Variants in FOXN3 observed in about 807,000 individuals in gnomAD.
The protein encoded by FOXN3 is forkhead box N3.
Under a neutral mutation model 38.4 loss-of-function variants are expected in FOXN3, and 7 were observed. That is an observed-to-expected ratio of 0.18 (90% CI 0.10 to 0.34). FOXN3 has a LOEUF of 0.34. Ranked by LOEUF, FOXN3 falls within the 10% of genes least tolerant of loss-of-function variation. The pLI is 1.00. For missense variants in FOXN3, 456 were observed against 613.4 expected (o/e 0.74, Z 2.71); for synonymous variants, 230 against 242.2 (o/e 0.95, Z 0.47).
chr14:89,530,965 T>C lies in FOXN3; in HGVS notation c.-15+88063A>G, dbSNP rs191996941. 7.8e-3 allele frequency among the ~76,000 whole-genome samples: 1,149 copies of C among 147,480 alleles called. 22 individuals are homozygous for C. Among genetic ancestry groups the C allele is most frequent in the African/African-American group, 0.027 (1,107 of 40,562 alleles). On this transcript the variant is annotated intron_variant, in intron 1 of 6. Coordinates refer to the FOXN3 transcript ENST00000345097. The stretch of plus-strand genomic sequence containing the variant: ...TATATTATATATACATATATACACA[T>C]ATATAATATATACATATATATCTAC...
chr14:89,509,779 G>A (rs1894018989), intron 1 of FOXN3, among the ~76,000 whole-genome samples: 1 of 152,234 alleles, frequency 6.6e-6, no homozygotes, highest in African/African-American at 2.4e-5. Flanking sequence ...AATGAAAACT[G>A]TAAAGTGCCA....
At chr14:89,532,640 G>C (rs1281876646) in intron 1 of FOXN3, among the ~76,000 whole-genome samples, 2 of 152,098 alleles carry the variant, frequency 1.3e-5, no homozygotes, top group Admixed American at 1.3e-4. Context: ...TCTATCAGTT[G>C]GGCAAACAAT....
chr14:89,414,527 G>A (rs941843292), intron 1 of FOXN3, among the ~76,000 whole-genome samples: 1 of 151,200 alleles, frequency 6.6e-6, no homozygotes, highest in African/African-American at 2.4e-5. Flanking sequence ...GCCTAAGGGG[G>A]AGCTGTGGTG....
chr14:89,179,394 G>C (rs939189097), intron 5 of FOXN3, among the ~76,000 whole-genome samples: 2 of 152,172 alleles, frequency 1.3e-5, no homozygotes, highest in African/African-American at 4.8e-5. Flanking sequence ...CTCAGGCCCA[G>C]CTAAACACAC....
intron 1 of FOXN3, among the ~76,000 whole-genome samples, chr14:89,424,945 G>A (rs1196571163): frequency 6.6e-6 from 1 of 151,948 alleles, no homozygotes; most frequent in Non-Finnish European, 1.5e-5. Flanking sequence ...TGCTTCTCCT[G>A]CCCCAGGGAT....
chr14:89,552,686 C>G (rs1413426080), intron 1 of FOXN3, among the ~76,000 whole-genome samples: 1 of 152,148 alleles, frequency 6.6e-6, no homozygotes, highest in Non-Finnish European at 1.5e-5. Context: ...TGCCAAAACC[C>G]CGTCTCTACT....
intron 1 of FOXN3, among the ~76,000 whole-genome samples, chr14:89,474,179 T>C (rs1028577090): frequency 1.3e-5 from 2 of 152,252 alleles, no homozygotes; most frequent in African/African-American, 4.8e-5. Flanking sequence ...AGAACCAATC[T>C]AGCCATTTTA....
intron 1 of FOXN3, among the ~76,000 whole-genome samples, chr14:89,555,147 C>G (rs1290579375): frequency 2.0e-5 from 3 of 151,954 alleles, no homozygotes; most frequent in African/African-American, 4.8e-5. Context: ...GTACACTGTT[C>G]TGCACTCTGC....
intron 1 of FOXN3, among the ~76,000 whole-genome samples, chr14:89,444,427 A>G (rs1596276165): frequency 1.3e-5 from 2 of 152,100 alleles, no homozygotes; most frequent in South Asian, 2.1e-4. Flanking sequence ...CACATAAAAA[A>G]AAAAAGAAAC....
intron 3 of FOXN3, among the ~76,000 whole-genome samples, chr14:89,315,130 A>G (rs3825672): frequency 0.76 from 115,483 of 151,696 alleles, 44,103 homozygotes; most frequent in Middle Eastern, 0.83. Context: ...GGGGTGATAA[A>G]TGTGTCTTTG....
At chr14:89,526,604 G>A (rs1894437098) in intron 1 of FOXN3, among the ~76,000 whole-genome samples, 1 of 152,074 alleles carries the variant, frequency 6.6e-6, no homozygotes, top group Non-Finnish European at 1.5e-5. Flanking sequence ...AGAAATTAAG[G>A]ACCTAAATAA....
chr14:89,496,947 G>C (rs1893697038), intron 1 of FOXN3, among the ~76,000 whole-genome samples: 1 of 152,080 alleles, frequency 6.6e-6, no homozygotes, highest in Admixed American at 6.6e-5. Context: ...GTTGTAGCAT[G>C]TGTCAGAATC....
At chr14:89,242,313 C>CATATATATAT (rs35761572) in intron 4 of FOXN3, among the ~76,000 whole-genome samples, 174 of 150,136 alleles carry the variant, frequency 1.2e-3, no homozygotes, top group African/African-American at 4.0e-3. Context: ...TCCCTGCCCT[C>CATATATATAT]ATATATATAT....
In FOXN3 at chr14:89,163,388, C is replaced by T. The variant is rs1169278464; in HGVS notation, c.852-419G>A. On this transcript the variant is annotated intron_variant, in intron 5 of 5. Transcript: ENST00000557258. The surrounding 1 kb of genome is among the most constrained non-coding windows in gnomAD (Gnocchi z 4.3). ...GAAAAAAGCCTGCTCTCGTCTGAAG[C>T]GGCTACATTAGGAGGCTTTTGTCAG... Among the ~76,000 whole-genome samples the T allele has an allele frequency of 4.6e-5, 7 of 152,172 alleles. No homozygotes were observed. The highest frequency in any genetic ancestry group is 7.3e-5 in the Non-Finnish European group (5 of 68,036).
intron 1 of FOXN3, among the ~76,000 whole-genome samples, chr14:89,599,150 T>C (rs1170010975): frequency 6.6e-6 from 1 of 152,224 alleles, no homozygotes; most frequent in Non-Finnish European, 1.5e-5. Context: ...TATCTTCTGG[T>C]TCACTAACTC....
chr14:89,310,565 T>C (rs960018655), intron 3 of FOXN3, among the ~76,000 whole-genome samples: 4 of 152,164 alleles, frequency 2.6e-5, no homozygotes, highest in African/African-American at 9.7e-5. Flanking sequence ...GAGACGAAGC[T>C]CAAGGTTACC....
chr14:89,230,482 G>C (rs1884773864), intron 4 of FOXN3, among the ~76,000 whole-genome samples: 1 of 152,176 alleles, frequency 6.6e-6, no homozygotes, highest in Non-Finnish European at 1.5e-5. Context: ...TCTCCCAATG[G>C]GTTATTGCTA....
chr14:89,352,967 GC>G (rs1444092577), intron 2 of FOXN3, among the ~76,000 whole-genome samples: 1 of 152,118 alleles, frequency 6.6e-6, no homozygotes, highest in Non-Finnish European at 1.5e-5. Context: ...TCCAGCTGGG[GC>G]AAGAACAGTG....
intron 3 of FOXN3, among the ~76,000 whole-genome samples, chr14:89,339,220 C>A (rs142775052): frequency 6.6e-6 from 1 of 152,098 alleles, no homozygotes; most frequent in East Asian, 1.9e-4. Flanking sequence ...GTGATCTGCC[C>A]GCCTCGGCCT....
Sources: gnomAD v4.1 joint callset for allele counts (sites outside exome capture counted in the v4.1 genomes callset) on GRCh38, gnomAD v4.1.1 for gene constraint, Gnocchi (gnomAD v3.1) non-coding constraint, MANE v1.5 for transcripts, NCBI Gene and HGNC (gene_info 2026-07-23, HGNC 2026-07-21) for gene names.